ROBO1: variants seen among roughly 807,000 people sequenced by gnomAD.
The protein encoded by ROBO1 is roundabout homolog 1.
A neutral mutation model predicts 195.9 loss-of-function variants in ROBO1; 149 were observed. That is an observed-to-expected ratio of 0.76 (90% CI 0.67 to 0.87). ROBO1 has a LOEUF of 0.87. Ranked by LOEUF, ROBO1 falls within the 40% of genes least tolerant of loss-of-function variation. ROBO1 has a pLI of 0.00. For missense variants in ROBO1, 1,933 were observed against 2,068.3 expected (o/e 0.93, Z 1.27); for synonymous variants, 816 against 733.2 (o/e 1.11, Z -1.82).
chr3:78,667,855 T>A (rs1410828657), intron 14 of ROBO1, 28 bp downstream of exon 14: 1 of 1,602,932 alleles, frequency 6.2e-7, no homozygotes, highest in African/African-American at 1.3e-5. Context: ...TAAGTAGGTG[T>A]CACAGGTTTA....
intron 2 of ROBO1, among the ~76,000 whole-genome samples, chr3:79,530,755 C>CACACACA (rs1553759578): frequency 2.3e-5 from 3 of 128,256 alleles, no homozygotes; most frequent in Non-Finnish European, 4.9e-5. Flanking sequence ...CACCTTGTAA[C>CACACACA]CACACACACA....
chr3:78,823,266 T>C (rs1033144452), intron 4 of ROBO1, among the ~76,000 whole-genome samples: 2 of 151,906 alleles, frequency 1.3e-5, no homozygotes, highest in African/African-American at 4.8e-5. Flanking sequence ...GTTTCTGCGA[T>C]GCCTTTGTGC....
intron 2 of ROBO1, among the ~76,000 whole-genome samples, chr3:79,473,420 C>G (rs1011048098): frequency 2.6e-5 from 4 of 152,108 alleles, no homozygotes; most frequent in Admixed American, 2.6e-4. Context: ...AACAAGAACA[C>G]TAGCCTAGCA....
intron 4 of ROBO1, among the ~76,000 whole-genome samples, chr3:78,781,049 T>G (rs1332747179): frequency 1.3e-5 from 2 of 152,284 alleles, no homozygotes; most frequent in East Asian, 3.9e-4. Flanking sequence ...CATAAACACT[T>G]GGATACCTCA....
chr3:78,947,475 T>C (rs1453531744), intron 3 of ROBO1, among the ~76,000 whole-genome samples: 1 of 152,214 alleles, frequency 6.6e-6, no homozygotes, highest in African/African-American at 2.4e-5. Context: ...TTGAAACCAA[T>C]GAGAACAAAG....
intron 1 of ROBO1, among the ~76,000 whole-genome samples, chr3:79,671,699 A>G (rs951288657): frequency 3.3e-5 from 5 of 151,932 alleles, no homozygotes; most frequent in Admixed American, 2.6e-4. Context: ...AACTATAAAA[A>G]AGTATACAAC....
At chr3:78,775,941 G>A (rs1576141558) in intron 4 of ROBO1, among the ~76,000 whole-genome samples, 1 of 152,216 alleles carries the variant, frequency 6.6e-6, no homozygotes, top group South Asian at 2.1e-4. Context: ...AAGGAGGCAA[G>A]TGCAGAGCTC....
intron 2 of ROBO1, among the ~76,000 whole-genome samples, chr3:79,349,554 A>G (rs532943256): frequency 3.9e-4 from 60 of 152,308 alleles, no homozygotes; most frequent in African/African-American, 1.2e-3. Flanking sequence ...GACTCACATT[A>G]TCCATTTTCA....
Position 79,108,336 on chromosome 3 carries a change from C to T in ROBO1, c.172+17120G>A, listed in dbSNP as rs562413531. ...TATATTAACTTTTTCTCATAATTCA[C>T]TTGTTCACCTATTTAGTCACTTTAA... On this transcript the variant is annotated intron_variant, in intron 3 of 30. Transcript: ENST00000464233. Among the ~76,000 whole-genome samples, 244 of 151,770 alleles carry T rather than the reference C, an allele frequency of 1.6e-3. 2 individuals carry two copies. Among genetic ancestry groups the T allele is most frequent in the African/African-American group, 5.3e-3 (222 of 41,496 alleles).
chr3:79,373,527 C>G (rs767686093), intron 2 of ROBO1, among the ~76,000 whole-genome samples: 5 of 152,122 alleles, frequency 3.3e-5, no homozygotes, highest in African/African-American at 4.8e-5. Flanking sequence ...AAGCTGTGCT[C>G]CTCAGATACA....
intron 3 of ROBO1, among the ~76,000 whole-genome samples, chr3:78,947,584 A>G (rs918732836): frequency 4.6e-5 from 7 of 152,214 alleles, no homozygotes; most frequent in African/African-American, 1.7e-4. Context: ...AAGATCTAAA[A>G]TTGACACCCT....
intron 14 of ROBO1, among the ~76,000 whole-genome samples, chr3:78,664,303 A>G (rs1367112918): frequency 6.6e-6 from 1 of 152,202 alleles, no homozygotes; most frequent in Admixed American, 6.5e-5. Context: ...ACAACCTCAG[A>G]GGGGAGCCTA....
intron 2 of ROBO1, among the ~76,000 whole-genome samples, chr3:79,571,318 G>C (rs67630969): frequency 0.091 from 13,824 of 151,996 alleles, 649 homozygotes; most frequent in Middle Eastern, 0.16. Flanking sequence ...TATAGTTTGA[G>C]CTCAAATCTT....
intron 2 of ROBO1, among the ~76,000 whole-genome samples, chr3:79,437,107 C>T (rs2038914266): frequency 6.6e-6 from 1 of 151,992 alleles, no homozygotes; most frequent in Non-Finnish European, 1.5e-5. Context: ...CAGACTGTAC[C>T]TCTCATCTTA....
chr3:79,503,270 C>T (rs1396582674), intron 2 of ROBO1, among the ~76,000 whole-genome samples: 2 of 152,126 alleles, frequency 1.3e-5, no homozygotes, highest in Non-Finnish European at 2.9e-5. Flanking sequence ...AAGTCTGCAG[C>T]TTCACTCCTG....
intron 2 of ROBO1, among the ~76,000 whole-genome samples, chr3:79,506,706 G>A (rs1223417774): frequency 1.3e-5 from 2 of 152,220 alleles, no homozygotes; most frequent in Non-Finnish European, 2.9e-5. Context: ...GCCTCCCAAA[G>A]TGCTGGGATT....
chr3:78,746,732 T>A lies in ROBO1; in HGVS notation c.657+11A>T. ...CAACAAATGTCCTCTGCTGTTGAAT[T>A]AAATACTCACAGTTATTCTTTCATC... On this transcript the variant is annotated intron_variant, in intron 5 of 30. Coordinates refer to ENST00000464233, the MANE Select transcript of ROBO1 (RefSeq NM_002941.4). The A allele has an allele frequency of 6.8e-7, 1 of 1,471,860 alleles. No individual in the cohort carries two copies. The highest frequency in any genetic ancestry group is 9.1e-7 in the Non-Finnish European group (1 of 1,095,084). 91.2% of individuals were successfully genotyped at this position (1,471,860 alleles called of 1,614,324 possible).
intron 3 of ROBO1, among the ~76,000 whole-genome samples, chr3:78,987,676 A>AT (rs918634225): frequency 1.3e-5 from 2 of 152,068 alleles, no homozygotes; most frequent in Admixed American, 6.6e-5. Context: ...GAAAGAATGA[A>AT]TAAGACCTAG....
chr3:79,378,027 C>T (rs1182451411), intron 2 of ROBO1, among the ~76,000 whole-genome samples: 1 of 152,130 alleles, frequency 6.6e-6, no homozygotes, highest in Non-Finnish European at 1.5e-5. Context: ...CCAACCTCTG[C>T]CCCCACCACT....
Sources: gnomAD v4.1 joint callset for allele counts (sites outside exome capture counted in the v4.1 genomes callset) on GRCh38, gnomAD v4.1.1 for gene constraint, MANE v1.5 for transcripts, NCBI Gene and HGNC (gene_info 2026-07-23, HGNC 2026-07-21) for gene names.